Variants in KIF5C observed in about 807,000 individuals in gnomAD.
KIF5C encodes kinesin heavy chain isoform 5C.
A neutral mutation model predicts 125.2 loss-of-function variants in KIF5C; 18 were observed. The ratio of observed to expected loss-of-function variants is 0.14; its 90% CI spans 0.10 to 0.21. The LOEUF (loss-of-function observed/expected upper bound fraction) is 0.21, where lower values mean the gene tolerates loss of function less well. Among genes scored for constraint, KIF5C ranks in the 10% least tolerant of loss-of-function variants. The pLI is 1.00. For synonymous variants in KIF5C, 405 were observed against 434.0 expected (o/e 0.93, Z 0.83); for missense variants, 780 against 1,183.8 (o/e 0.66, Z 5.01).
intron 25 of KIF5C, among the ~76,000 whole-genome samples, chr2:149,017,084 G>T (rs2105209667): frequency 6.6e-6 from 1 of 152,324 alleles, no homozygotes; most frequent in Admixed American, 6.5e-5. Flanking sequence ...CAGACTAGGT[G>T]AGGAAATAGA....
intron 4 of KIF5C, among the ~76,000 whole-genome samples, chr2:148,937,643 C>T (rs1400964051): frequency 6.6e-6 from 1 of 152,176 alleles, no homozygotes; most frequent in Admixed American, 6.5e-5. Flanking sequence ...TACCCTTTAT[C>T]CTCTGGATTT....
At position 148,880,122 on chromosome 2, in the gene KIF5C, CT is replaced by C. The variant is rs113647943; in HGVS notation, c.126+4391del. On this transcript the variant is annotated intron_variant, in intron 1 of 25. Coordinates refer to ENST00000435030, the MANE Select transcript of KIF5C (RefSeq NM_004522.3). The stretch of plus-strand genomic sequence containing the variant: ...TTCAAATTTACACGCAGTAATACCA[CT>C]TTTTTTTTTTTCTTTGAGACTGAGT... Among the ~76,000 whole-genome samples, 422 of 147,704 alleles carry C rather than the reference CT, an allele frequency of 2.9e-3. 2 individuals are homozygous for C. Among genetic ancestry groups the C allele is most frequent in the South Asian group, 7.3e-3 (34 of 4,644 alleles).
chr2:149,011,480 T>C, intron 24 of KIF5C, 90 bp from the exon 25 acceptor site: 1 of 1,518,738 alleles, frequency 6.6e-7, no homozygotes, highest in Non-Finnish European at 8.9e-7. Flanking sequence ...TTGTGACTTT[T>C]AGTTGTCACA....
chr2:148,962,175 A>AT (rs1010955146), intron 11 of KIF5C, 56 bp downstream of exon 11: 126 of 1,494,216 alleles, frequency 8.4e-5, no homozygotes, highest in African/African-American at 3.8e-4. Context: ...TTTTATTTTT[A>AT]TTTTTTTTGA....
intron 10 of KIF5C, among the ~76,000 whole-genome samples, chr2:148,955,925 G>A (rs530251421): frequency 1.3e-5 from 2 of 152,324 alleles, no homozygotes; most frequent in Non-Finnish European, 2.9e-5. Context: ...TGAAATAAAA[G>A]GTATGAAGGT....
At chr2:148,895,796 A>G (rs890648809) in intron 1 of KIF5C, among the ~76,000 whole-genome samples, 1 of 151,982 alleles carries the variant, frequency 6.6e-6, no homozygotes, top group African/African-American at 2.4e-5. Context: ...TGGCATGTAG[A>G]TAGCCACCTT....
At chr2:148,979,119 TA>T (rs1681162025) in intron 13 of KIF5C, 129 bp downstream of exon 13, 3 of 1,238,620 alleles carry the variant, frequency 2.4e-6, no homozygotes, top group African/African-American at 1.6e-5. Context: ...AATTTCTTGG[TA>T]GATGTCCCTT....
chr2:149,006,831 A>G (rs1389600470), intron 22 of KIF5C, among the ~76,000 whole-genome samples: 2 of 152,058 alleles, frequency 1.3e-5, no homozygotes, highest in Non-Finnish European at 2.9e-5. Context: ...TAGAGAGGGG[A>G]GGGCACCTGG....
At chr2:148,888,926 A>T (rs750762706) in intron 1 of KIF5C, 1 of 151,978 alleles carries the variant, frequency 6.6e-6, no homozygotes, top group South Asian at 2.1e-4. Flanking sequence ...TTAAATGTCC[A>T]TTGGGCTGAT....
At chr2:148,936,942 G>T (rs1372012385) in intron 3 of KIF5C, among the ~76,000 whole-genome samples, 5 of 152,090 alleles carry the variant, frequency 3.3e-5, no homozygotes, top group African/African-American at 9.7e-5. Flanking sequence ...ATATATTCTC[G>T]TTCCTTCTCC....
chr2:148,992,745 C>T (rs1681560130), intron 16 of KIF5C, among the ~76,000 whole-genome samples: 1 of 152,170 alleles, frequency 6.6e-6, no homozygotes, highest in African/African-American at 2.4e-5. Flanking sequence ...GTTTACACCA[C>T]TTTTTCTGGA....
At chr2:148,994,777 A>G (rs1370685782) in intron 17 of KIF5C, among the ~76,000 whole-genome samples, 2 of 150,424 alleles carry the variant, frequency 1.3e-5, no homozygotes, top group African/African-American at 4.9e-5. Flanking sequence ...ATCTCAGTTC[A>G]CTGCAACCTC....
At chr2:148,906,732 G>C (rs1245600797) in intron 1 of KIF5C, among the ~76,000 whole-genome samples, 3 of 151,962 alleles carry the variant, frequency 2.0e-5, no homozygotes, top group Non-Finnish European at 2.9e-5. Context: ...GGGTGTGGTG[G>C]TGCATGCCTG....
At position 148,973,625 on chromosome 2, in the gene KIF5C, C is replaced by T. The variant is rs1039315483; in HGVS notation, c.1293+114C>T. Reference sequence around the variant, plus strand: ...CAGCCCGATCTTTGTTTCTGGTTTCCTAATACCTACCCTAGCACTTTGATG... The same window carrying T: ...CAGCCCGATCTTTGTTTCTGGTTTCTTAATACCTACCCTAGCACTTTGATG... On this transcript the variant is annotated intron_variant, in intron 12 of 25. Transcript: ENST00000435030. 3 of 1,382,950 alleles carry T rather than the reference C, an allele frequency of 2.2e-6. No individual in the cohort carries two copies. In the African/African-American group the frequency reaches 4.4e-5, roughly 20 times the overall value. 85.7% of individuals were successfully genotyped at this position (1,382,950 alleles called of 1,614,324 possible).
At chr2:148,931,482 G>A (rs575604516) in intron 3 of KIF5C, among the ~76,000 whole-genome samples, 5 of 151,752 alleles carry the variant, frequency 3.3e-5, no homozygotes, top group African/African-American at 1.2e-4. Flanking sequence ...CTAACATGGC[G>A]AAACCCCATC....
At position 148,876,945 on chromosome 2, in the gene KIF5C, A is replaced by AC. The variant is rs897331887; in HGVS notation, c.126+1207dup. Reference sequence around the variant, plus strand: ...CTGATCACTGAGCATGCTCCGACTAACCCCCTCCTCCCCTTCCTCCAGTGG... The same window carrying AC: ...CTGATCACTGAGCATGCTCCGACTAACCCCCCTCCTCCCCTTCCTCCAGTGG... On this transcript the variant is annotated intron_variant, in intron 1 of 25. Coordinates refer to ENST00000435030, the MANE Select transcript of KIF5C (RefSeq NM_004522.3). This position sits in a 1 kb window ranked among gnomAD's most constrained non-coding sequence, Gnocchi z 4.7. Among the ~76,000 whole-genome samples, 1 of 152,036 alleles carries AC rather than the reference A, an allele frequency of 6.6e-6. No homozygotes were observed. The highest frequency in any genetic ancestry group is 1.5e-5 in the Non-Finnish European group (1 of 68,012).
At chr2:148,920,121 A>G in intron 1 of KIF5C, among the ~76,000 whole-genome samples, 1 of 152,212 alleles carries the variant, frequency 6.6e-6, no homozygotes. Context: ...ACCATGTGCT[A>G]TAATTTAACA....
At position 148,929,304 on chromosome 2, in the gene KIF5C, A is replaced by T; in HGVS notation, c.241A>T (p.Thr81Ser). The change falls in exon 3 of 26, where the codon ACG becomes TCG. Residue 81 changes from threonine to serine, a missense_variant. Around this residue, in one of 2 missense-constraint regions of KIF5C, gnomAD observed 207 missense variants for 441.2 expected, o/e 0.47. Transcript: ENST00000435030. ...AGATGTCCTTGAAGGTTATAACGGG[A>T]CGATTTTTGCGTATGGGCAGACTTC... ...VKDVLEGYNG[T>S]IFAYGQTSSG... 6.5e-7 allele frequency: 1 copy of T among 1,536,184 alleles called. No individual in the cohort carries two copies. Among genetic ancestry groups the T allele is most frequent in the Non-Finnish European group, 8.7e-7 (1 of 1,145,984 alleles).
At chr2:148,976,281 A>ATTTATTTC (rs1425536086) in intron 12 of KIF5C, among the ~76,000 whole-genome samples, 2 of 142,328 alleles carry the variant, frequency 1.4e-5, no homozygotes, top group African/African-American at 5.5e-5. Context: ...TTATTTATTT[A>ATTTATTTC]TTTTTTGAGA....
Sources: allele counts gnomAD v4.1 joint callset (sites outside exome capture counted in the v4.1 genomes callset), GRCh38; gene constraint gnomAD v4.1.1; regional missense constraint gnomAD v4.1.1; non-coding constraint Gnocchi (gnomAD v3.1); transcripts MANE v1.5; gene names NCBI Gene and HGNC (gene_info 2026-07-23, HGNC 2026-07-21).